The following ZNF335 variants were observed in gnomAD, a reference collection of about 807,000 sequenced individuals.
ZNF335 encodes zinc finger protein 335.
Under a neutral mutation model 145.6 loss-of-function variants are expected in ZNF335, and 84 were observed. The ratio of observed to expected loss-of-function variants is 0.58; its 90% CI spans 0.48 to 0.69. The LOEUF (loss-of-function observed/expected upper bound fraction) is 0.69. Among genes scored for constraint, ZNF335 ranks in the 30% least tolerant of loss-of-function variants. The pLI is 0.00. For missense variants in ZNF335, 1,865 were observed against 1,809.7 expected, an observed-to-expected ratio of 1.03 and a Z score of -0.55; for synonymous variants, 761 against 717.0, an observed-to-expected ratio of 1.06 and a Z score of -0.98.
At chr20:45,957,467 C>G in intron 17 of ZNF335, 119 bp downstream of exon 17, 1 of 948,852 alleles carries the variant, frequency 1.1e-6, no homozygotes, top group South Asian at 1.5e-5. Context: ...CCTCCACTGC[C>G]TGGGAGCTCC....
intron 6 of ZNF335, 66 bp downstream of exon 6, chr20:45,967,428 T>A (rs781209639): frequency 1.9e-6 from 3 of 1,613,134 alleles, no homozygotes; most frequent in Non-Finnish European, 8.5e-7. Context: ...GCCCTCCAAG[T>A]GAAAGCTCAG....
intron 9 of ZNF335, 126 bp from the exon 10 acceptor site, chr20:45,962,308 A>G (rs902045989): frequency 2.6e-5 from 19 of 738,628 alleles, no homozygotes; most frequent in Middle Eastern, 4.9e-4. Context: ...AGGCATGTGG[A>G]CAACACACCC....
chr20:45,949,660 C>T, intron 24 of ZNF335, 92 bp from the exon 25 acceptor site: 1 of 1,454,866 alleles, frequency 6.9e-7, no homozygotes, highest in Non-Finnish European at 9.4e-7. Flanking sequence ...AGACTAGGAA[C>T]AGCCACCAGC....
At position 45,950,924 on chromosome 20, in the gene ZNF335, CTT is replaced by C. The variant is rs529199754; in HGVS notation, c.3190-331_3190-330del. The stretch of plus-strand genomic sequence containing the variant: ...TTTTTTTTTTTGAGACAGTTTTGCT[CTT>C]GTTGCCCAGAGGCTGGAGTGCAATG... On this transcript the variant is annotated intron_variant, in intron 20 of 27. Coordinates refer to ENST00000322927, the MANE Select transcript of ZNF335 (RefSeq NM_022095.4). Among the ~76,000 whole-genome samples the C allele has an allele frequency of 5.5e-4, 83 of 151,950 alleles. No homozygotes were observed. The East Asian group carries it at 0.011, about 20-fold the overall frequency.
intron 3 of ZNF335, 141 bp from the exon 4 acceptor site, chr20:45,968,503 T>C (rs2084002606): frequency 1.4e-6 from 1 of 708,088 alleles, no homozygotes; most frequent in Non-Finnish European, 2.4e-6. Flanking sequence ...AAACCAGCTG[T>C]GTCACCCCTG....
intron 5 of ZNF335, 39 bp downstream of exon 5, chr20:45,967,695 A>C (rs760485248): frequency 3.7e-6 from 6 of 1,608,882 alleles, no homozygotes; most frequent in Non-Finnish European, 5.1e-6. Flanking sequence ...CCCCACCCCT[A>C]CCCATGCAGT....
At chr20:45,960,056 C>T in intron 14 of ZNF335, 152 bp downstream of exon 14, 1 of 926,628 alleles carries the variant, frequency 1.1e-6, no homozygotes, top group Non-Finnish European at 1.6e-6. Context: ...GGTGAATACG[C>T]CTATGGGAAA....
chr20:45,950,274 G>C lies in ZNF335; in HGVS notation c.3432C>G (p.Thr1144=), dbSNP rs571647784. 1.9e-6 allele frequency: 3 copies of C among 1,555,294 alleles called. No homozygotes were observed. The highest frequency in any genetic ancestry group is 2.6e-6 in the Non-Finnish European group (3 of 1,149,880). ...TGTTCAGGATGATGGTCTGGGTTGGGGTCTGGGTAGGGGCCCGGGCTGTAG... is the reference window on the plus strand; with the variant it reads ...TGTTCAGGATGATGGTCTGGGTTGGCGTCTGGGTAGGGGCCCGGGCTGTAG... ...GTPTARAPTQ[T]PTQTIILNSD... The change falls in exon 22 of 28, where the codon ACC becomes ACG. Residue 1144 remains threonine (T), a synonymous_variant. Transcript: ENST00000322927.
At chr20:45,970,019 A>G (rs2084030785) in intron 2 of ZNF335, 1 of 245,120 alleles carries the variant, frequency 4.1e-6, no homozygotes, top group Non-Finnish European at 8.0e-6. Flanking sequence ...GCATCACCCT[A>G]TGGCTAAATC....
Position 45,949,258 on chromosome 20 carries a change from G to C in ZNF335, c.3820-7C>G. 6.2e-7 allele frequency: 1 copy of C among 1,612,004 alleles called. No individual in the cohort carries two copies. The highest frequency in any genetic ancestry group is 8.5e-7 in the Non-Finnish European group (1 of 1,179,896). On this transcript the variant is annotated splice_polypyrimidine_tract_variant and splice_region_variant and intron_variant, in intron 26 of 27. Coordinates refer to ENST00000322927, the MANE Select transcript of ZNF335 (RefSeq NM_022095.4). Reference sequence around the variant, plus strand: ...ACACAGGCACATACTGGATCTGGAGGGGAGAAGCTGATAAGATGCTGGCCT... The same window carrying C: ...ACACAGGCACATACTGGATCTGGAGCGGAGAAGCTGATAAGATGCTGGCCT...
At position 45,950,612 on chromosome 20, in the gene ZNF335, GT is replaced by G. The variant is rs1568804975; in HGVS notation, c.3190-18del. 6.2e-7 allele frequency: 1 copy of G among 1,613,434 alleles called. No homozygotes were observed. Among genetic ancestry groups the G allele is most frequent in the Non-Finnish European group, 8.5e-7 (1 of 1,179,748 alleles). ...CATGTGCGCCTGCAGAGAGGGCAGA[GT>G]TGGGGGCATTGGCTGGGTCAGGACA... On this transcript the variant is annotated intron_variant, in intron 20 of 27. Transcript: ENST00000322927.
At chr20:45,970,308 C>T (rs1226951746) in intron 2 of ZNF335, 1 of 152,648 alleles carries the variant, frequency 6.6e-6, no homozygotes, top group Non-Finnish European at 1.5e-5. Flanking sequence ...ACTAATGAAA[C>T]CCCAGGACCC....
rs2083992168 is a variant in ZNF335, at chr20:45,968,012, G to A, written c.536C>T (p.Ser179Leu). The change falls in exon 5 of 28, where the codon TCA becomes TTA. Residue 179 changes from serine (S) to leucine (L), a missense_variant. Coordinates refer to ENST00000322927, the MANE Select transcript of ZNF335 (RefSeq NM_022095.4). Reference protein sequence around the residue: ...QGPDDGAPMTSPMSSSTLAHS... With the variant: ...QGPDDGAPMTLPMSSSTLAHS... ...GGCCAAGGTGGAACTGGACATTGGT[G>A]ATGTCATGGGGGCTCCTGGGGATGG... 1.2e-6 allele frequency: 2 copies of A among 1,612,586 alleles called. No homozygotes were observed. The highest frequency in any genetic ancestry group is 1.7e-6 in the Non-Finnish European group (2 of 1,180,026).
At position 45,950,225 on chromosome 20, in the gene ZNF335, G is replaced by A. The variant is rs768535357; in HGVS notation, c.3481C>T (p.Leu1161=). 5.8e-6 allele frequency: 9 copies of A among 1,548,458 alleles called. No individual in the cohort carries two copies. The Admixed American group carries it at 1.2e-4, about 20-fold the overall frequency. Residue 1161 remains leucine (L), a synonymous_variant, in exon 22 of 28, where the codon CTG becomes TTG. Transcript: ENST00000322927. ...LNSDDETLAT[L]HTALQSSHGV... ...GGCCCCAGGGGCAGCTCACTGTGCA[G>A]GGTGGCCAGTGTTTCGTCATCACTG...
Position 45,971,954 on chromosome 20 carries a change from G to T in ZNF335, c.-51+168C>A, listed in dbSNP as rs542011722. Reference sequence around the variant, plus strand: ...AGGCCCGACGCCATCTTGTGGTGGCGCCGGGTTTCCGCTCAGGCAAGTGCG... The same window carrying T: ...AGGCCCGACGCCATCTTGTGGTGGCTCCGGGTTTCCGCTCAGGCAAGTGCG... On this transcript the variant is annotated intron_variant, in intron 1 of 27. Transcript: ENST00000322927. 7.1e-6 allele frequency: 7 copies of T among 985,326 alleles called. No homozygotes were observed. The South Asian group carries it at 1.9e-4, about 26-fold the overall frequency. 61.0% of individuals were successfully genotyped at this position (985,326 alleles called of 1,614,324 possible).
intron 18 of ZNF335, among the ~76,000 whole-genome samples, chr20:45,953,281 C>A (rs2083667470): frequency 6.6e-6 from 1 of 152,112 alleles, no homozygotes; most frequent in Non-Finnish European, 1.5e-5. Flanking sequence ...GGTAAAGAGG[C>A]CTGAGCTTGC....
rs1299662894 is a variant in ZNF335, at chr20:45,950,289, C to T, written c.3417G>A (p.Arg1139=). The change falls in exon 22 of 28, where the codon CGG becomes CGA. Residue 1139 remains arginine, a synonymous_variant. Transcript: ENST00000322927. ...TCTGGGTTGGGGTCTGGGTAGGGGC[C>T]CGGGCTGTAGGGGTTCCTGACTTCC... The part of the protein sequence containing the change: ...DGRKSGTPTA[R]APTQTPTQTI... The T allele has an allele frequency of 3.8e-6, 6 of 1,560,252 alleles. No homozygotes were observed. In the African/African-American group the frequency reaches 8.2e-5, roughly 21 times the overall value.
intron 14 of ZNF335, 109 bp from the exon 15 acceptor site, chr20:45,959,542 T>C (rs1428745350): frequency 2.5e-6 from 2 of 791,696 alleles, no homozygotes; most frequent in African/African-American, 1.8e-5. Context: ...CTTCCAGCGA[T>C]TCATTCCCGT....
In ZNF335 at chr20:45,971,236, T is replaced by C; in HGVS notation, c.175A>G (p.Ser59Gly). 1 of 1,549,690 alleles carries C rather than the reference T, an allele frequency of 6.5e-7. No homozygotes were observed. The highest frequency in any genetic ancestry group is 8.7e-7 in the Non-Finnish European group (1 of 1,151,026). Reference protein sequence around the residue: ...AEADDSGVGQSSDRGSRSQEE... With the variant: ...AEADDSGVGQGSDRGSRSQEE... ...TGAGAACGGCTGCCGCGGTCCGAGC[T>C]TTGCCCCACGCCAGAGTCATCGGCC... The change falls in exon 2 of 28, where the codon AGC becomes GGC. Residue 59 changes from serine to glycine, a missense_variant. Transcript: ENST00000322927.
Sources: gnomAD v4.1 joint callset for allele counts (sites outside exome capture counted in the v4.1 genomes callset) on GRCh38, gnomAD v4.1.1 for gene constraint, MANE v1.5 for transcripts, NCBI Gene and HGNC (gene_info 2026-07-23, HGNC 2026-07-21) for gene names.